The following ANGPT4 variants were observed in gnomAD, a reference collection of about 807,000 sequenced individuals.
ANGPT4 encodes angiopoietin-4.
In ANGPT4, 50 loss-of-function variants were observed where a neutral mutation model predicts 53.0. The observed-to-expected ratio is 0.94, with a 90% CI of 0.75 to 1.20. ANGPT4 has a LOEUF of 1.20. Among genes scored for constraint, ANGPT4 ranks in the 50% most tolerant of loss-of-function variants. The pLI is 0.00. For missense variants in ANGPT4, 648 were observed against 637.1 expected (o/e 1.02, Z -0.18); for synonymous variants, 251 against 259.7 (o/e 0.97, Z 0.32).
At position 871,899 on chromosome 20, in the gene ANGPT4, G is replaced by A. The variant is rs1430932982; in HGVS notation, c.*1061C>T. The A allele has an allele frequency of 2.6e-5, 4 of 152,166 alleles. No homozygotes were observed. Among genetic ancestry groups the A allele is most frequent in the African/African-American group, 7.2e-5 (3 of 41,388 alleles). 9.4% of individuals were successfully genotyped at this position (152,166 alleles called of 1,614,324 possible). Reference sequence around the variant, plus strand: ...AGGTTATTTCCAGTTGTTTTTAGAGGTTGTTTGAGGCTGTCACTGTGGCCC... The same window carrying A: ...AGGTTATTTCCAGTTGTTTTTAGAGATTGTTTGAGGCTGTCACTGTGGCCC... On this transcript the variant is annotated 3_prime_UTR_variant, in exon 9 of 9. Transcript: ENST00000381922.
chr20:895,120 G>A (rs768555542), intron 1 of ANGPT4, among the ~76,000 whole-genome samples: 15 of 152,214 alleles, frequency 9.9e-5, no homozygotes, highest in Non-Finnish European at 1.6e-4. Context: ...CATGGCTGAG[G>A]CACCAGCTGG....
chr20:902,088 C>T (rs560929241), intron 1 of ANGPT4, among the ~76,000 whole-genome samples: 32 of 152,118 alleles, frequency 2.1e-4, no homozygotes, highest in African/African-American at 7.0e-4. Context: ...ATACAAAAAC[C>T]GAGAAGATCA....
At chr20:877,206 G>A (rs1454139780) in intron 7 of ANGPT4, among the ~76,000 whole-genome samples, 1 of 152,178 alleles carries the variant, frequency 6.6e-6, no homozygotes, top group African/African-American at 2.4e-5. Flanking sequence ...GTGGGGAAGC[G>A]ACCTTCCCAC....
chr20:887,107 G>A (rs1276853222), intron 3 of ANGPT4, among the ~76,000 whole-genome samples: 6 of 152,230 alleles, frequency 3.9e-5, no homozygotes, highest in Admixed American at 6.5e-5. Flanking sequence ...CTGGGAGGGA[G>A]ACATTTTACT....
intron 1 of ANGPT4, among the ~76,000 whole-genome samples, chr20:901,188 T>C (rs1006150286): frequency 6.6e-6 from 1 of 152,148 alleles, no homozygotes; most frequent in Admixed American, 6.5e-5. Context: ...TCACCACTAT[T>C]TTGTTTTGTT....
intron 5 of ANGPT4, among the ~76,000 whole-genome samples, chr20:880,304 G>GC (rs1004115571): frequency 1.3e-4 from 20 of 152,126 alleles, no homozygotes; most frequent in Non-Finnish European, 1.0e-4. Flanking sequence ...ATATTAAGAG[G>GC]GGGTGAAAGG....
chr20:874,435 G>A, intron 7 of ANGPT4, 21 bp from the exon 8 acceptor site: 3 of 1,612,472 alleles, frequency 1.9e-6, no homozygotes, highest in Non-Finnish European at 2.5e-6. Flanking sequence ...CCCAGAGGTG[G>A]TGGTGGCAGA....
intron 2 of ANGPT4, among the ~76,000 whole-genome samples, chr20:889,693 C>G (rs1981758894): frequency 6.6e-6 from 1 of 152,122 alleles, no homozygotes. Context: ...AGACACCAGT[C>G]TTCTCAAGCA....
chr20:908,491 C>T lies in ANGPT4; in HGVS notation c.309+7415G>A, dbSNP rs1268935818. On this transcript the variant is annotated intron_variant, in intron 1 of 8. Coordinates refer to ENST00000381922, the MANE Select transcript of ANGPT4 (RefSeq NM_015985.4). This position sits in a 1 kb window ranked among gnomAD's most constrained non-coding sequence, Gnocchi z 4.9. ...TGCCTCCCTCCCTCAAGGTCAGGCACCCATTATCCACCCCTAGCATCTCTC... is the reference window on the plus strand; with the variant it reads ...TGCCTCCCTCCCTCAAGGTCAGGCATCCATTATCCACCCCTAGCATCTCTC... Among the ~76,000 whole-genome samples, 3 of 152,152 alleles carry T rather than the reference C, an allele frequency of 2.0e-5. No individual in the cohort carries two copies. Among genetic ancestry groups the T allele is most frequent in the African/African-American group, 7.2e-5 (3 of 41,426 alleles).
rs992294869 is a variant in ANGPT4 at position 870,843 on chromosome 20, G to A, written c.*2117C>T. On this transcript the variant is annotated 3_prime_UTR_variant, in exon 9 of 9. Coordinates refer to ENST00000381922, the MANE Select transcript of ANGPT4 (RefSeq NM_015985.4). ...CCTCTTTGAGGACAAACATTTATTA[G>A]GCACCTGCTTCATGCCAGGCTCTAT... 2 of 152,220 alleles carry A rather than the reference G, an allele frequency of 1.3e-5. No individual in the cohort carries two copies. The highest frequency in any genetic ancestry group is 2.4e-5 in the African/African-American group (1 of 41,450). 9.4% of individuals were successfully genotyped at this position (152,220 alleles called of 1,614,324 possible).
At position 890,276 on chromosome 20, in the gene ANGPT4, C is replaced by T. The variant is rs758039784; in HGVS notation, c.402G>A (p.Leu134=). 3 of 1,614,014 alleles carry T rather than the reference C, an allele frequency of 1.9e-6. No homozygotes were observed. In the South Asian group the frequency reaches 3.3e-5, roughly 18 times the overall value. Residue 134 remains leucine, a synonymous_variant, in exon 2 of 9, where the codon CTG becomes CTA. Transcript: ENST00000381922. The part of the protein sequence containing the change: ...AQNQTAPMLE[L]GTSLLNQTTA... ...TGGTCTGGTTCAGGAGGCTGGTGCC[C>T]AGCTCTAGCATGGGGGCCGTCTGAT... is the stretch of plus-strand genomic sequence containing the variant.
At chr20:900,818 C>T (rs1226788357) in intron 1 of ANGPT4, among the ~76,000 whole-genome samples, 2 of 151,742 alleles carry the variant, frequency 1.3e-5, no homozygotes, top group East Asian at 3.9e-4. Flanking sequence ...ACTGAACCCC[C>T]TTGGACACTC....
At chr20:901,398 G>A (rs1436366252) in intron 1 of ANGPT4, among the ~76,000 whole-genome samples, 1 of 152,006 alleles carries the variant, frequency 6.6e-6, no homozygotes. Flanking sequence ...AGCACCTTGT[G>A]ACCCCTGCCC....
chr20:873,538 C>T (rs994236675), intron 8 of ANGPT4, among the ~76,000 whole-genome samples: 2 of 151,948 alleles, frequency 1.3e-5, no homozygotes, highest in Admixed American at 6.5e-5. Context: ...GGTCTCTGTG[C>T]GTGGGTCTGT....
In ANGPT4 at chr20:872,790, G is replaced by T; in HGVS notation, c.*170C>A. 1 of 742,332 alleles carries T rather than the reference G, an allele frequency of 1.3e-6. No individual in the cohort carries two copies. The highest frequency in any genetic ancestry group is 2.2e-6 in the Non-Finnish European group (1 of 455,112). The allele number at this position is 742,332 out of a possible 1,614,324, so 46.0% of individuals were successfully genotyped here. On this transcript the variant is annotated 3_prime_UTR_variant, in exon 9 of 9. Transcript: ENST00000381922. ...CCCTCCATGTCACAGACGGAGGGGAGTTGGGGGGCAGATGACCCTTCTGGA... is the reference window on the plus strand; with the variant it reads ...CCCTCCATGTCACAGACGGAGGGGATTTGGGGGGCAGATGACCCTTCTGGA...
intron 1 of ANGPT4, among the ~76,000 whole-genome samples, chr20:904,037 A>C (rs1477755713): frequency 6.6e-6 from 1 of 152,208 alleles, no homozygotes; most frequent in Non-Finnish European, 1.5e-5. Flanking sequence ...GAAAATCTGG[A>C]GGGTCAGATC....
At chr20:907,105 T>C (rs1421664927) in intron 1 of ANGPT4, among the ~76,000 whole-genome samples, 2 of 152,170 alleles carry the variant, frequency 1.3e-5, no homozygotes, top group Non-Finnish European at 2.9e-5. Context: ...GCAGAGCGCC[T>C]GGAAGGAATA....
intron 1 of ANGPT4, among the ~76,000 whole-genome samples, chr20:890,586 T>C (rs1981803239): frequency 6.6e-6 from 1 of 152,138 alleles, no homozygotes; most frequent in African/African-American, 2.4e-5. Context: ...GCCTCTCTGC[T>C]TCCATCTTTG....
intron 1 of ANGPT4, among the ~76,000 whole-genome samples, chr20:895,208 T>C (rs1439459077): frequency 6.6e-6 from 1 of 152,152 alleles, no homozygotes; most frequent in Non-Finnish European, 1.5e-5. Context: ...GATCTACTTC[T>C]CTCTATGCCG....
Sources: allele counts gnomAD v4.1 joint callset (sites outside exome capture counted in the v4.1 genomes callset), GRCh38; gene constraint gnomAD v4.1.1; non-coding constraint Gnocchi (gnomAD v3.1); transcripts MANE v1.5; gene names NCBI Gene and HGNC (gene_info 2026-07-23, HGNC 2026-07-21).